Variants in ZNG1A observed in about 807,000 individuals in gnomAD.
ZNG1A encodes Zn regulated GTPase metalloprotein activator 1A.
chr9:170,457 C>G, the ZNG1A span, among the ~76,000 whole-genome samples: 1 of 150,746 alleles, frequency 6.6e-6, no homozygotes, highest in African/African-American at 2.5e-5. Context: ...GTGATCTCGG[C>G]TCACCGCAAC....
At chr9:128,175 C>T in the ZNG1A span, among the ~76,000 whole-genome samples, 9 of 150,722 alleles carry the variant, frequency 6.0e-5, no homozygotes, top group East Asian at 7.8e-4. Context: ...GATCTTTTTG[C>T]GATGAATTTC....
the ZNG1A span, chr9:121,255 C>T: frequency 9.9e-6 from 6 of 605,478 alleles, no homozygotes; most frequent in African/African-American, 1.1e-4. Context: ...TTGTGAAATA[C>T]CATTCTTTAA....
chr9:156,138 T>A, the ZNG1A span, among the ~76,000 whole-genome samples: 32,364 of 111,836 alleles, frequency 0.29, 3,872 homozygotes, highest in East Asian at 0.43. Context: ...AAATAATAAT[T>A]ATTATTATTA....
the ZNG1A span, chr9:177,617 G>T: frequency 6.6e-7 from 1 of 1,517,998 alleles, no homozygotes; most frequent in Non-Finnish European, 8.9e-7. Context: ...AGGGAAAATG[G>T]TCAGGGATAG....
chr9:139,976 A>G, the ZNG1A span, among the ~76,000 whole-genome samples: 1 of 150,522 alleles, frequency 6.6e-6, no homozygotes, highest in African/African-American at 2.5e-5. Context: ...ACGGCGCACC[A>G]CGAGATTATA....
chr9:165,111 G>C, the ZNG1A span, among the ~76,000 whole-genome samples: 3 of 152,242 alleles, frequency 2.0e-5, no homozygotes, highest in South Asian at 2.1e-4. Flanking sequence ...CTTAGAACTG[G>C]AGCGTGTCAG....
chr9:146,552 CT>C, the ZNG1A span: 1 of 180,832 alleles, frequency 5.5e-6, no homozygotes, highest in Non-Finnish European at 1.1e-5. Context: ...TTTATACCCC[CT>C]CCCTTGATAT....
chr9:166,607 T>C, the ZNG1A span: 2 of 152,742 alleles, frequency 1.3e-5, no homozygotes, highest in Non-Finnish European at 1.5e-5. Context: ...AACAACTTCA[T>C]CATAATGAAG....
At chr9:154,779 C>A in the ZNG1A span, 1 of 1,586,186 alleles carries the variant, frequency 6.3e-7, no homozygotes, top group Non-Finnish European at 8.5e-7. Flanking sequence ...AGAATGGCAT[C>A]TGCCAAAGCA....
the ZNG1A span, chr9:150,513 T>A: frequency 1.1e-6 from 1 of 945,888 alleles, no homozygotes; most frequent in Non-Finnish European, 1.2e-6. Context: ...CAGGACCCAA[T>A]AGTAAGAATT....
the ZNG1A span, among the ~76,000 whole-genome samples, chr9:162,868 CT>C: frequency 2.0e-5 from 3 of 151,212 alleles, no homozygotes; most frequent in Admixed American, 2.0e-4. Flanking sequence ...AAAATCAAGA[CT>C]TTTCTTAAGA....
At chr9:147,388 G>GAA in the ZNG1A span, 8 of 67,742 alleles carry the variant, frequency 1.2e-4, no homozygotes, top group African/African-American at 5.3e-4. Context: ...AAACATATAA[G>GAA]AAAAACATCT....
the ZNG1A span, among the ~76,000 whole-genome samples, chr9:162,230 ATCAAAC>A: frequency 6.8e-6 from 1 of 147,784 alleles, no homozygotes; most frequent in Non-Finnish European, 1.5e-5. Context: ...TTATCACCAA[ATCAAAC>A]TCAGAGTAAT....
the ZNG1A span, among the ~76,000 whole-genome samples, chr9:160,857 T>C: frequency 6.6e-6 from 1 of 150,378 alleles, no homozygotes; most frequent in African/African-American, 2.5e-5. Flanking sequence ...AAATGAATAA[T>C]TTGGGGCTTT....
chr9:133,374 A>C, the ZNG1A span, among the ~76,000 whole-genome samples: 1 of 142,326 alleles, frequency 7.0e-6, no homozygotes, highest in African/African-American at 2.7e-5. Flanking sequence ...ATTTGCTTTA[A>C]TACACTACAC....
chr9:146,109 C>T, the ZNG1A span: 1 of 1,560,618 alleles, frequency 6.4e-7, no homozygotes, highest in African/African-American at 1.4e-5. Flanking sequence ...TACCTTATTC[C>T]AGAGAGACTA....
the ZNG1A span, among the ~76,000 whole-genome samples, chr9:130,674 T>C: frequency 2.0e-5 from 3 of 147,046 alleles, no homozygotes; most frequent in Admixed American, 2.0e-4. Context: ...TTTTAAGCAA[T>C]CCACCCACCT....
At chr9:168,298 G>A in the ZNG1A span, among the ~76,000 whole-genome samples, 1 of 150,994 alleles carries the variant, frequency 6.6e-6, no homozygotes, top group Non-Finnish European at 1.5e-5. Context: ...CTGTCACCCA[G>A]GCTGGAGTGC....
the ZNG1A span, chr9:148,813 T>C: frequency 3.9e-3 from 547 of 140,414 alleles, 3 homozygotes; most frequent in Non-Finnish European, 4.9e-3. Context: ...AGAGTGAAAA[T>C]GAAGAGGGTT....
Sources: gnomAD v4.1 joint callset for allele counts (sites outside exome capture counted in the v4.1 genomes callset) on GRCh38, gnomAD v4.1.1 for gene constraint, MANE v1.5 for transcripts, NCBI Gene and HGNC (gene_info 2026-07-23, HGNC 2026-07-21) for gene names.